SRPK2: variants seen among roughly 807,000 people sequenced by gnomAD.
SRPK2 encodes the protein SRSF protein kinase 2.
In SRPK2, 21 loss-of-function variants were observed where a neutral mutation model predicts 90.8. The observed-to-expected ratio is 0.23, with a 90% CI of 0.16 to 0.33. The LOEUF (loss-of-function observed/expected upper bound fraction) is 0.33. Ranked by LOEUF, SRPK2 falls within the 10% of genes least tolerant of loss-of-function variation. SRPK2 has a pLI of 1.00. For missense variants in SRPK2, 620 were observed against 869.0 expected, an observed-to-expected ratio of 0.71 and a Z score of 3.60; for synonymous variants, 288 against 311.1, an observed-to-expected ratio of 0.93 and a Z score of 0.78.
At chr7:105,287,682 G>A (rs112352530) in intron 2 of SRPK2, among the ~76,000 whole-genome samples, 4,544 of 152,222 alleles carry the variant, frequency 0.03, 251 homozygotes, top group African/African-American at 0.1. Context: ...GTTGTGGTGA[G>A]CTGAGATCAC....
intron 3 of SRPK2, among the ~76,000 whole-genome samples, chr7:105,178,746 C>G (rs559263220): frequency 1.3e-5 from 2 of 152,124 alleles, no homozygotes; most frequent in African/African-American, 4.8e-5. Flanking sequence ...GAGGTCGAAG[C>G]TGCAATGAGT....
chr7:105,183,506 A>G (rs1299214845), intron 3 of SRPK2, among the ~76,000 whole-genome samples: 1 of 152,062 alleles, frequency 6.6e-6, no homozygotes, highest in Non-Finnish European at 1.5e-5. Context: ...TGTTTTTTTG[A>G]GACAGAGTCT....
At chr7:105,331,215 A>G (rs1814282992) in intron 2 of SRPK2, among the ~76,000 whole-genome samples, 1 of 147,136 alleles carries the variant, frequency 6.8e-6, no homozygotes, top group African/African-American at 2.5e-5. Context: ...AGGCTGAGGC[A>G]GGAGAATCAC....
chr7:105,321,906 C>T (rs886217414), intron 2 of SRPK2, among the ~76,000 whole-genome samples: 1 of 152,140 alleles, frequency 6.6e-6, no homozygotes. Flanking sequence ...AAAAGTTAAA[C>T]ATAGAATTAC....
intron 2 of SRPK2, among the ~76,000 whole-genome samples, chr7:105,306,804 GA>G (rs1245063766): frequency 1.2e-4 from 19 of 152,126 alleles, no homozygotes; most frequent in Non-Finnish European, 2.4e-4. Flanking sequence ...ACTATTACAA[GA>G]ACATTTTTGT....
rs1407825333 is a variant in SRPK2 at position 105,171,001 on chromosome 7, GAAA to G, written c.230-1739_230-1737del. On this transcript the variant is annotated intron_variant, in intron 3 of 15. Transcript: ENST00000393651. ...AGAGAAAGAAAGAAAGAAAGAGAAA[GAAA>G]GAAAGAAAGAGAGGAAGGAAGGAAG... is the stretch of plus-strand genomic sequence containing the variant. Among the ~76,000 whole-genome samples the G allele has an allele frequency of 2.1e-3, 257 of 122,380 alleles. 21 individuals carry two copies. The highest frequency in any genetic ancestry group is 0.02 in the Admixed American group (222 of 11,246). 80.3% of individuals were successfully genotyped at this position (122,380 alleles called of 152,430 possible). A position where few individuals can be genotyped will look rare whatever the true frequency, so the allele number is the denominator to read the frequency against.
At chr7:105,140,192 T>A (rs1803505630) in intron 11 of SRPK2, among the ~76,000 whole-genome samples, 1 of 152,184 alleles carries the variant, frequency 6.6e-6, no homozygotes, top group Admixed American at 6.5e-5. Context: ...CACCTGAAGT[T>A]AGCTGAACAC....
intron 2 of SRPK2, among the ~76,000 whole-genome samples, chr7:105,321,079 C>T (rs890145866): frequency 6.6e-6 from 1 of 152,158 alleles, no homozygotes; most frequent in African/African-American, 2.4e-5. Context: ...GTGATCTTCC[C>T]ACCTCAGCCT....
At chr7:105,159,679 G>A (rs538336371) in intron 7 of SRPK2, among the ~76,000 whole-genome samples, 4 of 152,082 alleles carry the variant, frequency 2.6e-5, no homozygotes, top group African/African-American at 7.2e-5. Context: ...TTCCATCTAC[G>A]CATACTTTCA....
At chr7:105,187,288 C>T (rs1047875922) in intron 3 of SRPK2, among the ~76,000 whole-genome samples, 2 of 152,176 alleles carry the variant, frequency 1.3e-5, no homozygotes, top group African/African-American at 2.4e-5. Context: ...TTGTTGCTGG[C>T]CTTTCAACTC....
At chr7:105,183,263 GAGAATAAGAGCTCACAATGCAA>G in intron 3 of SRPK2, among the ~76,000 whole-genome samples, 1 of 152,184 alleles carries the variant, frequency 6.6e-6, no homozygotes, top group African/African-American at 2.4e-5. Flanking sequence ...AAAAACCCTA[GAGAATAAGAGCTCACAATGCAA>G]AGTCACATTA....
At chr7:105,204,816 A>G (rs1469487630) in intron 2 of SRPK2, 1 of 507,722 alleles carries the variant, frequency 2.0e-6, no homozygotes, top group Non-Finnish European at 3.9e-6. Flanking sequence ...GCCCTATTTT[A>G]AGGGTATAGC....
intron 2 of SRPK2, among the ~76,000 whole-genome samples, chr7:105,317,751 T>G (rs1812467128): frequency 6.6e-6 from 1 of 152,208 alleles, no homozygotes. Context: ...TCATTAGTTT[T>G]AAAAAGTACC....
intron 2 of SRPK2, among the ~76,000 whole-genome samples, chr7:105,356,136 T>G (rs1817757844): frequency 6.6e-6 from 1 of 152,270 alleles, no homozygotes; most frequent in South Asian, 2.1e-4. Flanking sequence ...ATTTTCAGGA[T>G]CTGCATGGTG....
intron 2 of SRPK2, among the ~76,000 whole-genome samples, chr7:105,289,211 T>C (rs570421694): frequency 6.6e-6 from 1 of 151,174 alleles, no homozygotes; most frequent in East Asian, 1.9e-4. Context: ...GAGGTGGAGC[T>C]TGCAGTGAGC....
At chr7:105,380,947 TAAAAA>T (rs869039181) in intron 2 of SRPK2, among the ~76,000 whole-genome samples, 4 of 104,128 alleles carry the variant, frequency 3.8e-5, no homozygotes, top group South Asian at 3.7e-4. Context: ...TTTATTACTT[TAAAAA>T]AAAAAAAAAA....
intron 2 of SRPK2, among the ~76,000 whole-genome samples, chr7:105,317,798 T>G (rs149710728): frequency 6.6e-6 from 1 of 152,260 alleles, no homozygotes; most frequent in Admixed American, 6.5e-5. Context: ...CAGGATCTCA[T>G]TGTCATCCAG....
At chr7:105,186,162 T>C (rs374263435) in intron 3 of SRPK2, among the ~76,000 whole-genome samples, 18 of 152,202 alleles carry the variant, frequency 1.2e-4, no homozygotes, top group African/African-American at 4.3e-4. Flanking sequence ...CATTTGACAG[T>C]AGGAAGAATG....
At chr7:105,203,387 T>C (rs1274385566) in intron 3 of SRPK2, among the ~76,000 whole-genome samples, 5 of 152,220 alleles carry the variant, frequency 3.3e-5, no homozygotes, top group African/African-American at 7.2e-5. Flanking sequence ...GTACCTAGAA[T>C]ATGTATGTAC....
Sources: allele counts gnomAD v4.1 joint callset (sites outside exome capture counted in the v4.1 genomes callset), GRCh38; gene constraint gnomAD v4.1.1; transcripts MANE v1.5; gene names NCBI Gene and HGNC (gene_info 2026-07-23, HGNC 2026-07-21).